Variants in KCNJ6 observed in about 807,000 individuals in gnomAD.
The protein encoded by KCNJ6 is potassium inwardly rectifying channel subfamily J member 6, also known as G protein-activated inward rectifier potassium channel 2.
A neutral mutation model predicts 34.2 loss-of-function variants in KCNJ6; 9 were observed. The ratio of observed to expected loss-of-function variants is 0.26; its 90% confidence interval spans 0.16 to 0.46. KCNJ6 has a LOEUF of 0.46. KCNJ6 is among the 20% of genes least tolerant of loss of function. The pLI is 1.00. For missense variants in KCNJ6, 236 were observed against 531.3 expected, an observed-to-expected ratio of 0.44 and a Z score of 5.46; for synonymous variants, 196 against 207.1, an observed-to-expected ratio of 0.95 and a Z score of 0.46.
intron 3 of KCNJ6, among the ~76,000 whole-genome samples, chr21:37,640,247 C>T (rs2054375123): frequency 6.6e-6 from 1 of 152,158 alleles, no homozygotes; most frequent in Non-Finnish European, 1.5e-5. Context: ...TCAATGAAGC[C>T]TAGGGGCCAC....
intron 2 of KCNJ6, among the ~76,000 whole-genome samples, chr21:37,823,377 T>A (rs981330365): frequency 3.9e-5 from 6 of 152,220 alleles, no homozygotes; most frequent in African/African-American, 1.4e-4. Context: ...CTCACTTACA[T>A]GTGGAATCTA....
chr21:37,819,685 G>A (rs2055364552), intron 2 of KCNJ6, among the ~76,000 whole-genome samples: 1 of 152,102 alleles, frequency 6.6e-6, no homozygotes, highest in Non-Finnish European at 1.5e-5. Flanking sequence ...AGGGTGCCAG[G>A]TAAGACCTCT....
intron 2 of KCNJ6, among the ~76,000 whole-genome samples, chr21:37,780,302 G>A (rs183797008): frequency 6.6e-6 from 1 of 152,246 alleles, no homozygotes; most frequent in East Asian, 1.9e-4. Context: ...GTTGCAAGAG[G>A]TCTAGGGAGA....
intron 3 of KCNJ6, among the ~76,000 whole-genome samples, chr21:37,676,637 G>T (rs906110681): frequency 3.9e-5 from 6 of 152,224 alleles, no homozygotes; most frequent in African/African-American, 9.6e-5. Context: ...GCAAAACCAG[G>T]GGAAAGCAAG....
At chr21:37,739,451 G>A (rs2054928943) in intron 2 of KCNJ6, among the ~76,000 whole-genome samples, 1 of 152,162 alleles carries the variant, frequency 6.6e-6, no homozygotes, top group African/African-American at 2.4e-5. Context: ...ACCTTTTGAT[G>A]TGGAAGGAGC....
At chr21:37,880,349 C>T (rs1328850891) in intron 1 of KCNJ6, among the ~76,000 whole-genome samples, 1 of 152,238 alleles carries the variant, frequency 6.6e-6, no homozygotes, top group Non-Finnish European at 1.5e-5. Flanking sequence ...CTCACCTCTG[C>T]AGAGAAACAT....
In KCNJ6 at chr21:37,823,540, T is replaced by C. The variant is rs573489828; in HGVS notation, c.25+17118A>G. ...TCCTTCCCCCATGCTGTTCTTCTGA[T>C]AGTTAGTGAGTTATCATGAGATCTG... On this transcript the variant is annotated intron_variant, in intron 2 of 3. Coordinates refer to ENST00000609713, the MANE Select transcript of KCNJ6 (RefSeq NM_002240.5). Among the ~76,000 whole-genome samples, 6 of 152,210 alleles carry C rather than the reference T, an allele frequency of 3.9e-5. No individual in the cohort carries two copies. In the South Asian group the frequency reaches 1.2e-3, roughly 32 times the overall value.
intron 2 of KCNJ6, among the ~76,000 whole-genome samples, chr21:37,721,435 G>T (rs1201046576): frequency 6.6e-6 from 1 of 152,118 alleles, no homozygotes. Context: ...AAACCCAAAG[G>T]GATTGAAAGC....
At chr21:37,913,255 T>C (rs2055875452) in intron 1 of KCNJ6, among the ~76,000 whole-genome samples, 1 of 152,204 alleles carries the variant, frequency 6.6e-6, no homozygotes. Flanking sequence ...AATGTTGAAA[T>C]GGAACTTGAA....
At chr21:37,778,576 A>C (rs752200608) in intron 2 of KCNJ6, among the ~76,000 whole-genome samples, 1 of 152,118 alleles carries the variant, frequency 6.6e-6, no homozygotes, top group African/African-American at 2.4e-5. Context: ...TTGACATCAG[A>C]TAATTCTGTA....
chr21:37,895,968 G>A (rs968430349), intron 1 of KCNJ6, among the ~76,000 whole-genome samples: 2 of 152,182 alleles, frequency 1.3e-5, no homozygotes, highest in South Asian at 4.1e-4. Flanking sequence ...AAATGCCTGA[G>A]ACTGGGTACT....
At chr21:37,758,108 G>A (rs2055040485) in intron 2 of KCNJ6, among the ~76,000 whole-genome samples, 1 of 152,144 alleles carries the variant, frequency 6.6e-6, no homozygotes, top group African/African-American at 2.4e-5. Context: ...AATTTTCAGG[G>A]GTCCAGCTCC....
chr21:37,730,354 C>T (rs1447975659), intron 2 of KCNJ6, among the ~76,000 whole-genome samples: 1 of 152,174 alleles, frequency 6.6e-6, no homozygotes, highest in Non-Finnish European at 1.5e-5. Context: ...GGTTGGAATC[C>T]AGTTCTCCCA....
intron 1 of KCNJ6, among the ~76,000 whole-genome samples, chr21:37,896,598 C>A (rs918156386): frequency 3.9e-5 from 6 of 152,148 alleles, no homozygotes; most frequent in African/African-American, 1.2e-4. Flanking sequence ...TCCAGGTGAA[C>A]CTTGGGACTG....
intron 2 of KCNJ6, among the ~76,000 whole-genome samples, chr21:37,817,116 C>T (rs776893659): frequency 6.6e-6 from 1 of 152,186 alleles, no homozygotes; most frequent in Non-Finnish European, 1.5e-5. Context: ...TTAGCACCAA[C>T]CTCACGGAAC....
At chr21:37,827,661 T>G (rs2055405379) in intron 2 of KCNJ6, among the ~76,000 whole-genome samples, 2 of 152,130 alleles carry the variant, frequency 1.3e-5, no homozygotes, top group African/African-American at 2.4e-5. Flanking sequence ...AATGATACTT[T>G]GTCATTTTCA....
At chr21:37,642,559 G>A (rs1243697226) in intron 3 of KCNJ6, among the ~76,000 whole-genome samples, 1 of 152,178 alleles carries the variant, frequency 6.6e-6, no homozygotes, top group Non-Finnish European at 1.5e-5. Flanking sequence ...AGGTGAGGAG[G>A]TGGGAAGTCA....
intron 3 of KCNJ6, among the ~76,000 whole-genome samples, chr21:37,685,871 A>G (rs2054613019): frequency 6.6e-6 from 1 of 151,986 alleles, no homozygotes; most frequent in South Asian, 2.1e-4. Flanking sequence ...ATGTGTTAAT[A>G]AAGATTTGTG....
chr21:37,909,406 C>T (rs1395197483), intron 1 of KCNJ6, among the ~76,000 whole-genome samples: 1 of 151,534 alleles, frequency 6.6e-6, no homozygotes, highest in African/African-American at 2.4e-5. Context: ...CTCCCTCTCA[C>T]CCAGGCTGGA....
Sources: allele counts gnomAD v4.1 joint callset (sites outside exome capture counted in the v4.1 genomes callset), GRCh38; gene constraint gnomAD v4.1.1; transcripts MANE v1.5; gene names NCBI Gene and HGNC (gene_info 2026-07-23, HGNC 2026-07-21).